SLC29A3: variants seen among roughly 807,000 people sequenced by gnomAD.
The protein encoded by SLC29A3 is solute carrier family 29 member 3.
A neutral mutation model predicts 25.4 loss-of-function variants in SLC29A3; 18 were observed. The observed-to-expected ratio is 0.71, with a 90% confidence interval of 0.49 to 1.05. SLC29A3 has a LOEUF of 1.05. Ranked by LOEUF, SLC29A3 falls within the 50% of genes least tolerant of loss-of-function variation. The pLI is 0.00. For missense variants in SLC29A3, 586 were observed against 609.0 expected, an observed-to-expected ratio of 0.96 and a Z score of 0.40; for synonymous variants, 258 against 267.1, an observed-to-expected ratio of 0.97 and a Z score of 0.33.
At chr10:71,334,512 A>T (rs1409241047) in intron 2 of SLC29A3, among the ~76,000 whole-genome samples, 1 of 152,120 alleles carries the variant, frequency 6.6e-6, no homozygotes, top group South Asian at 2.1e-4. Context: ...TTGTTTATGC[A>T]TTTGCTAGCC....
At chr10:71,345,642 C>T (rs926044451) in intron 3 of SLC29A3, among the ~76,000 whole-genome samples, 3 of 147,782 alleles carry the variant, frequency 2.0e-5, no homozygotes, top group Non-Finnish European at 4.5e-5. Flanking sequence ...CCCCTCTCAC[C>T]AGCCAACTGG....
intron 5 of SLC29A3, among the ~76,000 whole-genome samples, chr10:71,357,474 C>T (rs1335579351): frequency 2.6e-5 from 4 of 152,124 alleles, no homozygotes; most frequent in Non-Finnish European, 5.9e-5. Flanking sequence ...TGGTCTTGAA[C>T]TCCTGTGCTC....
chr10:71,374,219 C>T lies in SLC29A3; in HGVS notation c.*95-1476C>T, dbSNP rs1316797279. On this transcript the variant is annotated intron_variant and NMD_transcript_variant, in intron 3 of 4. Coordinates refer to the SLC29A3 transcript ENST00000642772. ...TTATTTGTACCTCTCTTCCTATTTC[C>T]CTCTCCTCTGTCTTCCTAAATATGC... is the stretch of plus-strand genomic sequence containing the variant. 1.3e-4 allele frequency among the ~76,000 whole-genome samples: 20 copies of T among 152,246 alleles called. No individual in the cohort carries two copies. The East Asian group carries it at 3.5e-3, about 27-fold the overall frequency.
At chr10:71,333,637 C>T (rs940334039) in intron 2 of SLC29A3, among the ~76,000 whole-genome samples, 1 of 152,250 alleles carries the variant, frequency 6.6e-6, no homozygotes, top group African/African-American at 2.4e-5. Context: ...CACTGATGCA[C>T]GGGACCCTCT....
intron 1 of SLC29A3, 84 bp downstream of exon 1, chr10:71,319,394 T>A: frequency 1.8e-6 from 1 of 565,386 alleles, no homozygotes. Context: ...TCCCGGGCCC[T>A]GGGGGCGGCT....
intron 4 of SLC29A3, among the ~76,000 whole-genome samples, chr10:71,376,882 G>GCCTCTA (rs1321842197): frequency 6.6e-6 from 1 of 152,092 alleles, no homozygotes; most frequent in Non-Finnish European, 1.5e-5. Context: ...TCCTGCCTCT[G>GCCTCTA]CCTCTGCCTC....
chr10:71,351,769 C>T lies in SLC29A3; in HGVS notation c.591C>T (p.Asn197=), dbSNP rs1369949983. 2 of 1,612,842 alleles carry T rather than the reference C, an allele frequency of 1.2e-6. No individual in the cohort carries two copies. The highest frequency in any genetic ancestry group is 2.2e-5 in the East Asian group (1 of 44,880). ...TGACCGGCTCCTTTCCTATGAGGAA[C>T]TCCCAGGCACTGATATCAGGTGAGA... ...YGMTGSFPMR[N]SQALISGGAM... Residue 197 remains asparagine (N), a synonymous_variant, in exon 4 of 6, where the codon AAC becomes AAT. Coordinates refer to ENST00000373189, the MANE Select transcript of SLC29A3 (RefSeq NM_018344.6).
intron 2 of SLC29A3, among the ~76,000 whole-genome samples, chr10:71,340,545 C>G (rs549165606): frequency 6.6e-6 from 1 of 152,314 alleles, no homozygotes; most frequent in South Asian, 2.1e-4. Context: ...TGAGGGAGCT[C>G]TCAGGAATCA....
intron 4 of SLC29A3, among the ~76,000 whole-genome samples, chr10:71,379,029 A>C (rs1257873348): frequency 6.6e-6 from 1 of 152,202 alleles, no homozygotes; most frequent in Non-Finnish European, 1.5e-5. Context: ...ATGCTCTGCC[A>C]AATGCTTTGC....
intron 1 of SLC29A3, among the ~76,000 whole-genome samples, chr10:71,320,416 A>G (rs1845822079): frequency 6.6e-6 from 1 of 152,192 alleles, no homozygotes; most frequent in Non-Finnish European, 1.5e-5. Context: ...TTTGTTTCTC[A>G]TGGATCTGGA....
intron 2 of SLC29A3, among the ~76,000 whole-genome samples, chr10:71,340,326 G>A (rs772673869): frequency 3.3e-5 from 5 of 152,178 alleles, no homozygotes; most frequent in Non-Finnish European, 7.3e-5. Flanking sequence ...TCTGAGTGGC[G>A]CCATTCCTAT....
intron 2 of SLC29A3, among the ~76,000 whole-genome samples, chr10:71,335,027 T>G (rs1464752726): frequency 6.8e-6 from 1 of 146,796 alleles, no homozygotes; most frequent in Non-Finnish European, 1.5e-5. Context: ...ATTGAGCACA[T>G]ACAAGCTGCT....
Position 71,350,314 on chromosome 10 carries a change from CGTGTGTGTGT to C in SLC29A3, c.384-1221_384-1212del, listed in dbSNP as rs775651402. 5.6e-3 allele frequency among the ~76,000 whole-genome samples: 794 copies of C among 142,578 alleles called. 10 individuals are homozygous for C. The highest frequency in any genetic ancestry group is 0.019 in the African/African-American group (756 of 38,786). The allele number at this position is 142,578 out of a possible 152,430, so 93.5% of individuals were successfully genotyped here. A position where few individuals can be genotyped will look rare whatever the true frequency, so the allele number is the denominator to read the frequency against. On this transcript the variant is annotated intron_variant, in intron 3 of 5. Coordinates refer to ENST00000373189, the MANE Select transcript of SLC29A3 (RefSeq NM_018344.6). ...TTTCTTGCTCATCATTTCACACCTA[CGTGTGTGTGT>C]GTGTGTGTGTGTGTGTGTGTGTGTG...
At chr10:71,380,921 C>T (rs1040736571) in exon 5 of SLC29A3, 1 of 151,890 alleles carries the variant, frequency 6.6e-6, no homozygotes, top group Non-Finnish European at 1.5e-5. Context: ...CAACATTTAC[C>T]AGAAAAACCC....
chr10:71,374,136 C>A (rs1847232873), intron 3 of SLC29A3, among the ~76,000 whole-genome samples: 1 of 152,248 alleles, frequency 6.6e-6, no homozygotes, highest in South Asian at 2.1e-4. Context: ...GGCCCATTTT[C>A]ATTACTAGAA....
At chr10:71,325,156 C>T (rs1406286375) in intron 2 of SLC29A3, among the ~76,000 whole-genome samples, 1 of 152,176 alleles carries the variant, frequency 6.6e-6, no homozygotes, top group Non-Finnish European at 1.5e-5. Context: ...GGAGGTGGCT[C>T]ATCACTGCTT....
At chr10:71,332,612 T>A (rs1846146684) in intron 2 of SLC29A3, among the ~76,000 whole-genome samples, 1 of 152,204 alleles carries the variant, frequency 6.6e-6, no homozygotes, top group East Asian at 1.9e-4. Context: ...GGCTTCAGGC[T>A]TTCTGCCACT....
chr10:71,341,357 G>A lies in SLC29A3; in HGVS notation c.301-2852G>A, dbSNP rs545656286. On this transcript the variant is annotated intron_variant, in intron 2 of 5. Coordinates refer to ENST00000373189, the MANE Select transcript of SLC29A3 (RefSeq NM_018344.6). ...GTCTGGAGCAACATCCACTAAGTCC[G>A]TTTCTTGAAATCAGCACATGCCACC... Among the ~76,000 whole-genome samples the A allele has an allele frequency of 8.5e-5, 13 of 152,330 alleles. No homozygotes were observed. The South Asian group carries it at 2.5e-3, about 29-fold the overall frequency.
Position 71,356,113 on chromosome 10 carries a change from G to A in SLC29A3, c.643G>A (p.Ala215Thr). The A allele has an allele frequency of 1.9e-6, 3 of 1,614,126 alleles. No homozygotes were observed. Among genetic ancestry groups the A allele is most frequent in the South Asian group, 1.1e-5 (1 of 91,086 alleles). The stretch of plus-strand genomic sequence containing the variant: ...CATGGGCGGGACGGTCAGCGCCGTG[G>A]CCTCATTGGTGGACTTGGCTGCATC... ...GAMGGTVSAV[A>T]SLVDLAASSD... The change falls in exon 5 of 6, where the codon GCC becomes ACC. Residue 215 changes from alanine to threonine, a missense_variant. Ala to Thr is a moderately conservative substitution (Grantham distance 58). Transcript: ENST00000373189.
Sources: gnomAD v4.1 joint callset for allele counts (sites outside exome capture counted in the v4.1 genomes callset) on GRCh38, gnomAD v4.1.1 for gene constraint, MANE v1.5 for transcripts, NCBI Gene and HGNC (gene_info 2026-07-23, HGNC 2026-07-21) for gene names.